Variants in LOXL2 observed in about 807,000 individuals in gnomAD.
The protein encoded by LOXL2 is lysyl oxidase homolog 2.
LOXL2 carries 70 observed loss-of-function variants against 93.0 expected under a neutral mutation model. The ratio of observed to expected loss-of-function variants is 0.75; its 90% CI spans 0.62 to 0.92. The LOEUF is 0.92. LOXL2 is among the 40% of genes least tolerant of loss of function. The pLI is 0.00. For synonymous variants in LOXL2, 438 were observed against 413.2 expected, an observed-to-expected ratio of 1.06 and a Z score of -0.73; for missense variants, 973 against 1,054.9, an observed-to-expected ratio of 0.92 and a Z score of 1.08.
chr8:23,379,301 C>T (rs1013018578), intron 1 of LOXL2, among the ~76,000 whole-genome samples: 20 of 152,284 alleles, frequency 1.3e-4, no homozygotes, highest in East Asian at 5.8e-4. Flanking sequence ...CTGGAAGCTT[C>T]GTCTCAGAGG....
rs1803050158 is a variant in LOXL2 at position 23,297,438 on chromosome 8, T to C, written c.*605A>G. On this transcript the variant is annotated 3_prime_UTR_variant, in exon 14 of 14. Coordinates refer to ENST00000389131, the MANE Select transcript of LOXL2 (RefSeq NM_002318.3). ...GCTTCAAAAGTCTGTGAAAATATAA[T>C]AATAGTATCTTGAAAAACAAGGGGT... 1 of 152,168 alleles carries C rather than the reference T, an allele frequency of 6.6e-6. No homozygotes were observed. Among genetic ancestry groups the C allele is most frequent in the Non-Finnish European group, 1.5e-5 (1 of 68,072 alleles). The allele number at this position is 152,168 out of a possible 1,614,324, so 9.4% of individuals were successfully genotyped here.
intron 1 of LOXL2, among the ~76,000 whole-genome samples, chr8:23,395,578 A>G (rs2117239949): frequency 6.6e-6 from 1 of 152,354 alleles, no homozygotes; most frequent in East Asian, 1.9e-4. Flanking sequence ...TATGCAAATT[A>G]TATCTCAATA....
intron 9 of LOXL2, among the ~76,000 whole-genome samples, chr8:23,316,105 T>C (rs1194007932): frequency 1.3e-5 from 2 of 152,014 alleles, no homozygotes; most frequent in Non-Finnish European, 2.9e-5. Context: ...CTAAAAGGGG[T>C]TGGTGGGAGA....
intron 1 of LOXL2, among the ~76,000 whole-genome samples, chr8:23,394,236 T>C (rs1211984587): frequency 6.6e-6 from 1 of 151,628 alleles, no homozygotes; most frequent in Non-Finnish European, 1.5e-5. Context: ...CTACTAAAGA[T>C]ACAAAAATTA....
At chr8:23,322,745 G>A (rs1223987973) in intron 6 of LOXL2, among the ~76,000 whole-genome samples, 1 of 152,194 alleles carries the variant, frequency 6.6e-6, no homozygotes, top group African/African-American at 2.4e-5. Context: ...AAAAATAAAG[G>A]TATGGATGGA....
intron 3 of LOXL2, among the ~76,000 whole-genome samples, chr8:23,353,112 G>T (rs773837293): frequency 1.3e-5 from 2 of 152,160 alleles, no homozygotes; most frequent in Admixed American, 6.6e-5. Context: ...CAGCCACAAG[G>T]CTTCCTGTGA....
Position 23,316,380 on chromosome 8 carries a change from T to C in LOXL2, c.1636+569A>G, listed in dbSNP as rs546122587. Among the ~76,000 whole-genome samples the C allele has an allele frequency of 3.3e-5, 5 of 152,214 alleles. No individual in the cohort carries two copies. In the South Asian group the frequency reaches 1.0e-3, roughly 32 times the overall value. On this transcript the variant is annotated intron_variant, in intron 9 of 13. Transcript: ENST00000389131. ...ATTACAAGGCCAGGAAAGGGAGGGC[T>C]GGGTTTGGGCTCAGGAGGGCAGCAT...
At chr8:23,308,174 T>A (rs1803259926) in intron 10 of LOXL2, among the ~76,000 whole-genome samples, 1 of 152,142 alleles carries the variant, frequency 6.6e-6, no homozygotes, top group African/African-American at 2.4e-5. Context: ...GGCCAGGACA[T>A]GTTAGTTCTG....
intron 5 of LOXL2, 112 bp downstream of exon 5, chr8:23,333,289 A>T (rs1038913445): frequency 1.0e-6 from 1 of 960,108 alleles, no homozygotes. Flanking sequence ...CACAATGGTG[A>T]TCTCCGCTGA....
chr8:23,387,331 A>G (rs1804780020), intron 1 of LOXL2, among the ~76,000 whole-genome samples: 2 of 152,212 alleles, frequency 1.3e-5, no homozygotes, highest in African/African-American at 4.8e-5. Context: ...GAGATCAGGA[A>G]AGAATTCCTT....
chr8:23,331,566 A>G (rs1162966881), intron 5 of LOXL2: 2 of 152,210 alleles, frequency 1.3e-5, no homozygotes, highest in African/African-American at 4.8e-5. Flanking sequence ...CCCAGTTGCT[A>G]TTCCCACCCA....
rs769403498 is a variant in LOXL2, at chr8:23,348,596, G to A, written c.532-7393C>T. 4.6e-5 allele frequency among the ~76,000 whole-genome samples: 7 copies of A among 151,778 alleles called. No individual in the cohort carries two copies. The South Asian group carries it at 8.3e-4, about 18-fold the overall frequency. ...CAAAACAAAACAAAACAGTGGCCTCGGCCGGGTGCGGTGGCTCACGCCTGT... is the reference window on the plus strand; with the variant it reads ...CAAAACAAAACAAAACAGTGGCCTCAGCCGGGTGCGGTGGCTCACGCCTGT... On this transcript the variant is annotated intron_variant, in intron 3 of 13. Coordinates refer to ENST00000389131, the MANE Select transcript of LOXL2 (RefSeq NM_002318.3).
chr8:23,341,947 T>C lies in LOXL2; in HGVS notation c.532-744A>G, dbSNP rs187573588. On this transcript the variant is annotated intron_variant, in intron 3 of 13. Coordinates refer to ENST00000389131, the MANE Select transcript of LOXL2 (RefSeq NM_002318.3). ...AGACACAGCAAGGAAAGGAGACACT[T>C]TGAGCCCCTTAGAGGGTTCCCTTCC... Among the ~76,000 whole-genome samples the C allele has an allele frequency of 2.2e-3, 337 of 152,270 alleles. 2 individuals are homozygous for C. Among genetic ancestry groups the C allele is most frequent in the Admixed American group, 3.9e-3 (59 of 15,302 alleles).
chr8:23,303,194 C>G, intron 11 of LOXL2, 88 bp downstream of exon 11: 1 of 829,634 alleles, frequency 1.2e-6, no homozygotes, highest in Non-Finnish European at 2.1e-6. Context: ...AGGGTCAGTG[C>G]CAGGCCTGGG....
At chr8:23,353,857 A>C (rs746207898) in intron 3 of LOXL2, among the ~76,000 whole-genome samples, 2 of 152,208 alleles carry the variant, frequency 1.3e-5, no homozygotes, top group Non-Finnish European at 2.9e-5. Flanking sequence ...GAAGGGATTG[A>C]ATTCAACTCA....
At chr8:23,354,463 C>T (rs1477847903) in intron 3 of LOXL2, among the ~76,000 whole-genome samples, 1 of 152,196 alleles carries the variant, frequency 6.6e-6, no homozygotes, top group Non-Finnish European at 1.5e-5. Flanking sequence ...GGCTTTAACT[C>T]TCACACTTTG....
intron 1 of LOXL2, among the ~76,000 whole-genome samples, chr8:23,378,639 C>G (rs557783368): frequency 6.6e-6 from 1 of 152,168 alleles, no homozygotes; most frequent in Non-Finnish European, 1.5e-5. Flanking sequence ...TTGTTCGTTT[C>G]TTTTTACTCT....
chr8:23,325,855 G>A (rs1803568896), intron 6 of LOXL2, among the ~76,000 whole-genome samples: 1 of 152,226 alleles, frequency 6.6e-6, no homozygotes, highest in Non-Finnish European at 1.5e-5. Flanking sequence ...ACAGAGCAGA[G>A]AGCCTGACCA....
At chr8:23,395,126 C>T (rs113039641) in intron 1 of LOXL2, among the ~76,000 whole-genome samples, 78 of 152,114 alleles carry the variant, frequency 5.1e-4, no homozygotes, top group African/African-American at 1.7e-3. Flanking sequence ...TTGTGGCGCA[C>T]GCCTGTAGTT....
Sources: allele counts gnomAD v4.1 joint callset (sites outside exome capture counted in the v4.1 genomes callset), GRCh38; gene constraint gnomAD v4.1.1; transcripts MANE v1.5; gene names NCBI Gene and HGNC (gene_info 2026-07-23, HGNC 2026-07-21).